BTBD9: variants seen among roughly 807,000 people sequenced by gnomAD.
BTBD9 encodes the protein BTB domain containing 9, also known as BTB/POZ domain-containing protein 9.
BTBD9 carries 49 observed loss-of-function variants against 64.3 expected under a neutral mutation model. The ratio of observed to expected loss-of-function variants is 0.76; its 90% CI spans 0.61 to 0.97. The LOEUF is 0.97. Ranked by LOEUF, BTBD9 falls within the 50% of genes least tolerant of loss-of-function variation. BTBD9 has a pLI of 0.00. For synonymous variants in BTBD9, 260 were observed against 274.7 expected (o/e 0.95, Z 0.53); for missense variants, 598 against 762.1 (o/e 0.78, Z 2.53).
chr6:38,192,683 AG>A, intron 9 of BTBD9, 86 bp from the exon 10 acceptor site: 1 of 1,225,684 alleles, frequency 8.2e-7, no homozygotes, highest in Admixed American at 1.7e-5. Context: ...TCCACTGAGG[AG>A]GGAGGGCTTC....
chr6:38,389,922 G>C (rs949846085), intron 6 of BTBD9, among the ~76,000 whole-genome samples: 7 of 152,114 alleles, frequency 4.6e-5, no homozygotes, highest in Non-Finnish European at 1.0e-4. Flanking sequence ...ATGCAGCTGG[G>C]AATAGAATTT....
intron 6 of BTBD9, among the ~76,000 whole-genome samples, chr6:38,439,913 G>A (rs1481500734): frequency 1.3e-5 from 2 of 152,086 alleles, no homozygotes; most frequent in African/African-American, 2.4e-5. Context: ...TCAAGAAGAG[G>A]GATATGACAG....
At chr6:38,290,689 T>C (rs1165934578) in intron 7 of BTBD9, among the ~76,000 whole-genome samples, 1 of 152,174 alleles carries the variant, frequency 6.6e-6, no homozygotes, top group Non-Finnish European at 1.5e-5. Context: ...CACAGGCTCT[T>C]AAAACTCTTC....
At chr6:38,560,007 A>G (rs1038937354) in intron 6 of BTBD9, among the ~76,000 whole-genome samples, 1 of 152,162 alleles carries the variant, frequency 6.6e-6, no homozygotes, top group African/African-American at 2.4e-5. Flanking sequence ...CCATCTATCT[A>G]TACATCAGCC....
At chr6:38,447,476 C>T (rs1487910625) in intron 6 of BTBD9, among the ~76,000 whole-genome samples, 2 of 152,176 alleles carry the variant, frequency 1.3e-5, no homozygotes, top group Non-Finnish European at 2.9e-5. Flanking sequence ...AGCGCACTGA[C>T]ATCCTTATTC....
At chr6:38,567,161 G>C (rs1775560930) in intron 6 of BTBD9, among the ~76,000 whole-genome samples, 1 of 152,146 alleles carries the variant, frequency 6.6e-6, no homozygotes, top group Non-Finnish European at 1.5e-5. Context: ...TAACTAATGT[G>C]TAAATTAGTT....
chr6:38,520,565 T>C (rs1168619661), intron 6 of BTBD9, among the ~76,000 whole-genome samples: 4 of 152,242 alleles, frequency 2.6e-5, no homozygotes, highest in African/African-American at 9.6e-5. Flanking sequence ...TACTAAGTTT[T>C]CTTCAATAAC....
chr6:38,456,677 G>T (rs1012419099), intron 6 of BTBD9, among the ~76,000 whole-genome samples: 2 of 151,958 alleles, frequency 1.3e-5, no homozygotes, highest in African/African-American at 4.8e-5. Flanking sequence ...TCAAATATTT[G>T]CCCTCTTTTC....
intron 6 of BTBD9, among the ~76,000 whole-genome samples, chr6:38,448,573 A>C (rs1434020904): frequency 6.6e-6 from 1 of 152,120 alleles, no homozygotes; most frequent in Non-Finnish European, 1.5e-5. Flanking sequence ...GCTGGAGTAC[A>C]GTGGTGCAAT....
In BTBD9 at chr6:38,580,228, G is replaced by A. The variant is rs773093124; in HGVS notation, c.1024C>T (p.Arg342Ter). 11 of 1,613,304 alleles carry A rather than the reference G, an allele frequency of 6.8e-6. No individual in the cohort carries two copies. The highest frequency in any genetic ancestry group is 4.0e-5 in the African/African-American group (3 of 74,900). Residue 342 changes from arginine (R) to a stop codon, truncating the protein, a stop_gained, in exon 5 of 11, where the codon CGA (arginine) becomes TGA (stop). Transcript: ENST00000481247. LOFTEE classifies it high-confidence loss of function. ...ATGCTAATCACTTACCGGCTATCTCGGTCCCACAAGAGTATCCGTATGTGA... is the reference window on the plus strand; with the variant it reads ...ATGCTAATCACTTACCGGCTATCTCAGTCCCACAAGAGTATCCGTATGTGA... The part of the protein sequence containing the change: ...INHIRILLWD[R>*]DSRSYSYFIE...
intron 6 of BTBD9, among the ~76,000 whole-genome samples, chr6:38,352,631 C>T (rs1764565681): frequency 6.6e-6 from 1 of 152,220 alleles, no homozygotes. Flanking sequence ...CCAGGCTCCA[C>T]ATGTGTAGTA....
intron 9 of BTBD9, among the ~76,000 whole-genome samples, chr6:38,219,426 G>A (rs1763126938): frequency 6.6e-6 from 1 of 151,768 alleles, no homozygotes; most frequent in Non-Finnish European, 1.5e-5. Flanking sequence ...ACAGTTGTGA[G>A]CCACCATGCC....
intron 6 of BTBD9, among the ~76,000 whole-genome samples, chr6:38,562,429 T>A (rs758147405): frequency 6.6e-6 from 1 of 152,200 alleles, no homozygotes; most frequent in Non-Finnish European, 1.5e-5. Flanking sequence ...TTTTCTTCAT[T>A]TCCTCATCTC....
chr6:38,480,589 A>G (rs1167646952), intron 6 of BTBD9, among the ~76,000 whole-genome samples: 1 of 152,206 alleles, frequency 6.6e-6, no homozygotes, highest in African/African-American at 2.4e-5. Context: ...ACCTCCATGC[A>G]AAGTAGTATA....
chr6:38,592,547 G>T, intron 4 of BTBD9, 29 bp downstream of exon 4: 1 of 1,606,996 alleles, frequency 6.2e-7, no homozygotes, highest in South Asian at 1.1e-5. Context: ...CAAGCTTCTT[G>T]GTTGAGTTTA....
chr6:38,306,461 A>C (rs914235244), intron 7 of BTBD9, among the ~76,000 whole-genome samples: 7 of 152,256 alleles, frequency 4.6e-5, no homozygotes, highest in African/African-American at 1.7e-4. Context: ...TTCTGCTCAG[A>C]CAAATTTAAT....
At chr6:38,626,362 T>G (rs1303039009) in intron 1 of BTBD9, among the ~76,000 whole-genome samples, 1 of 152,224 alleles carries the variant, frequency 6.6e-6, no homozygotes, top group Non-Finnish European at 1.5e-5. Flanking sequence ...AAATTATTAT[T>G]GGCTATAGTC....
At chr6:38,301,643 G>A (rs1394823608) in intron 7 of BTBD9, among the ~76,000 whole-genome samples, 1 of 152,160 alleles carries the variant, frequency 6.6e-6, no homozygotes, top group African/African-American at 2.4e-5. Context: ...TAGTTTATTT[G>A]CGTAGAGGTG....
rs777517671 is a variant in BTBD9, at chr6:38,344,995, T to C, written c.1253A>G (p.Lys418Arg). The part of the protein sequence containing the change: ...MFTNKTFTLE[K>R]GLIVPMENVA... ...ATGGTAATACTTACCTATCAGCCCC[T>C]TCTCAAGAGTGAAGGTTTTGTTTGT... The change falls in exon 7 of 11, where the codon AAG (lysine) becomes AGG (arginine). Residue 418 changes from lysine to arginine, a missense_variant. By Grantham distance (26) the Lys-to-Arg change is conservative. Transcript: ENST00000481247. The C allele has an allele frequency of 4.4e-6, 7 of 1,599,578 alleles. No homozygotes were observed. Among genetic ancestry groups the C allele is most frequent in the South Asian group, 1.1e-5 (1 of 89,934 alleles).
Sources: gnomAD v4.1 joint callset for allele counts (sites outside exome capture counted in the v4.1 genomes callset) on GRCh38, gnomAD v4.1.1 for gene constraint, MANE v1.5 for transcripts, NCBI Gene and HGNC (gene_info 2026-07-23, HGNC 2026-07-21) for gene names.